Variants in LPIN2 observed in about 807,000 individuals in gnomAD.
LPIN2 encodes phosphatidate phosphatase LPIN2.
LPIN2 carries 55 observed loss-of-function variants against 111.4 expected under a neutral mutation model. The observed-to-expected ratio is 0.49, with a 90% CI of 0.40 to 0.62. The LOEUF (loss-of-function observed/expected upper bound fraction) is 0.62. Ranked by LOEUF, LPIN2 falls within the 20% of genes least tolerant of loss-of-function variation. The pLI, the probability that LPIN2 is intolerant of heterozygous loss-of-function variation, is 0.00. For missense variants in LPIN2, 992 were observed against 1,112.1 expected, an observed-to-expected ratio of 0.89 and a Z score of 1.54; for synonymous variants, 425 against 414.0, an observed-to-expected ratio of 1.03 and a Z score of -0.32.
At position 2,991,927 on chromosome 18, in the gene LPIN2, G is replaced by A. The variant is rs578205339; in HGVS notation, c.-10+21160C>T. 4.6e-5 allele frequency among the ~76,000 whole-genome samples: 7 copies of A among 151,392 alleles called. No individual in the cohort carries two copies. In the South Asian group the frequency reaches 6.2e-4, roughly 13 times the overall value. On this transcript the variant is annotated intron_variant, in intron 1 of 19. Transcript: ENST00000677752. ...TGGGAGGCTGAGGTAGAGAACTGCC[G>A]AACACAGGAGGCAGAGGTTGCAGTG...
At chr18:3,006,094 G>C (rs1350954628) in intron 1 of LPIN2, among the ~76,000 whole-genome samples, 1 of 152,136 alleles carries the variant, frequency 6.6e-6, no homozygotes, top group Non-Finnish European at 1.5e-5. Context: ...TCTGTACTTT[G>C]TACAGTGGTT....
intron 2 of LPIN2, 163 bp downstream of exon 2, chr18:2,960,486 C>T (rs1008182850): frequency 5.7e-6 from 4 of 697,860 alleles, no homozygotes; most frequent in East Asian, 2.7e-5. Context: ...GTTGACTTCT[C>T]GTAACATTGT....
chr18:3,008,560 T>C (rs1039431578), intron 1 of LPIN2, among the ~76,000 whole-genome samples: 5 of 152,246 alleles, frequency 3.3e-5, no homozygotes, highest in African/African-American at 1.2e-4. Flanking sequence ...GTACCATATA[T>C]TTTTTGCGGA....
In LPIN2 at chr18:2,921,325, G is replaced by A. The variant is rs142487632; in HGVS notation, c.2442+208C>T. ...CAGAAACGATGGAAAAGCGTCCTTC[G>A]TATAAATTCTGGGGCAGATCTGCAC... On this transcript the variant is annotated intron_variant, in intron 18 of 19. Transcript: ENST00000677752. 222 of 615,662 alleles carry A rather than the reference G, an allele frequency of 3.6e-4. No homozygotes were observed. The East Asian group carries it at 5.4e-3, about 15-fold the overall frequency. The allele number at this position is 615,662 out of a possible 1,614,324, so 38.1% of individuals were successfully genotyped here. A position where few individuals can be genotyped will look rare whatever the true frequency, so the allele number is the denominator to read the frequency against.
intron 1 of LPIN2, among the ~76,000 whole-genome samples, chr18:2,963,924 A>C (rs1334177646): frequency 6.6e-6 from 1 of 151,958 alleles, no homozygotes; most frequent in Non-Finnish European, 1.5e-5. Flanking sequence ...GTAACATCCC[A>C]AATTCTTAAA....
At chr18:2,962,395 GT>G (rs1338656748) in intron 1 of LPIN2, among the ~76,000 whole-genome samples, 2 of 152,192 alleles carry the variant, frequency 1.3e-5, no homozygotes, top group African/African-American at 4.8e-5. Flanking sequence ...TTATAATCTG[GT>G]GATGGTTTTG....
chr18:2,946,525 C>T (rs763858737), intron 4 of LPIN2: 98 of 1,558,598 alleles, frequency 6.3e-5, no homozygotes, highest in Non-Finnish European at 8.1e-5. Context: ...GGTTGTAGCA[C>T]AGCAAGGCCA....
At chr18:2,957,142 G>C (rs573915686) in intron 2 of LPIN2, among the ~76,000 whole-genome samples, 2 of 152,332 alleles carry the variant, frequency 1.3e-5, no homozygotes, top group African/African-American at 4.8e-5. Flanking sequence ...ATGCTGAAAT[G>C]AAACTGGTAT....
rs2078161952 is a variant in LPIN2, at chr18:2,984,669, A to ATT, written c.-9-23821_-9-23820insAA. Among the ~76,000 whole-genome samples, 3 of 152,128 alleles carry ATT rather than the reference A, an allele frequency of 2.0e-5. No homozygotes were observed. The East Asian group carries it at 5.8e-4, about 29-fold the overall frequency. On this transcript the variant is annotated intron_variant, in intron 1 of 19. Transcript: ENST00000677752. ...CAACTGGATAGCAGGAGAAGGGGAA[A>ATT]ACTGTAAGGAGGGTGGAAAGAAGAA...
At chr18:2,927,429 A>C (rs762265631) in intron 12 of LPIN2, among the ~76,000 whole-genome samples, 2 of 152,208 alleles carry the variant, frequency 1.3e-5, no homozygotes, top group Admixed American at 6.5e-5. Flanking sequence ...CAGGCTCTGG[A>C]GTCAGACTCA....
chr18:2,976,634 G>A (rs977799081), intron 1 of LPIN2, among the ~76,000 whole-genome samples: 1 of 152,152 alleles, frequency 6.6e-6, no homozygotes, highest in Non-Finnish European at 1.5e-5. Flanking sequence ...CCTGAGGTGT[G>A]CTCAATTTCT....
At chr18:2,986,400 G>T (rs943667779) in intron 1 of LPIN2, among the ~76,000 whole-genome samples, 2 of 152,062 alleles carry the variant, frequency 1.3e-5, no homozygotes, top group Non-Finnish European at 2.9e-5. Flanking sequence ...TCCAGGAACA[G>T]AAGAGAAAAA....
Position 2,926,637 on chromosome 18 carries a change from A to G in LPIN2, c.1793+86T>C, listed in dbSNP as rs572262305. 65 of 1,197,168 alleles carry G rather than the reference A, an allele frequency of 5.4e-5. No individual in the cohort carries two copies. The African/African-American group carries it at 9.0e-4, about 17-fold the overall frequency. The allele number at this position is 1,197,168 out of a possible 1,614,324, so 74.2% of individuals were successfully genotyped here. A position where few individuals can be genotyped will look rare whatever the true frequency, so the allele number is the denominator to read the frequency against. ...TCTGCAGAAGATACTCCCAAGAACT[A>G]AACAAGCTGCCAAAATCAACTTAGA... On this transcript the variant is annotated intron_variant, in intron 13 of 19. Transcript: ENST00000677752.
At chr18:2,930,490 G>A (rs2077198257) in intron 9 of LPIN2, among the ~76,000 whole-genome samples, 1 of 152,226 alleles carries the variant, frequency 6.6e-6, no homozygotes, top group African/African-American at 2.4e-5. Flanking sequence ...CTGAGCCTCT[G>A]GCCATGCAGT....
intron 1 of LPIN2, among the ~76,000 whole-genome samples, chr18:2,988,012 C>CAAAAAAAAAAA (rs761121515): frequency 0.02 from 660 of 32,334 alleles, 47 homozygotes; most frequent in Non-Finnish European, 0.033. Flanking sequence ...GAGACTGTCT[C>CAAAAAAAAAAA]AAAAAAAAAA....
At chr18:2,940,373 C>T (rs992145749) in intron 5 of LPIN2, among the ~76,000 whole-genome samples, 2 of 152,026 alleles carry the variant, frequency 1.3e-5, no homozygotes, top group African/African-American at 4.8e-5. Context: ...GGCTAAATTC[C>T]ATGCTGATTA....
intron 4 of LPIN2, among the ~76,000 whole-genome samples, chr18:2,943,184 T>C (rs1274153750): frequency 7.0e-6 from 1 of 143,684 alleles, no homozygotes; most frequent in East Asian, 2.0e-4. Flanking sequence ...TGTATGTAAA[T>C]TATACCTCAG....
intron 1 of LPIN2, among the ~76,000 whole-genome samples, chr18:2,981,332 G>T (rs570528368): frequency 3.9e-5 from 6 of 152,244 alleles, no homozygotes; most frequent in African/African-American, 1.4e-4. Flanking sequence ...TATCCCAAAC[G>T]TTAGCATTAA....
intron 2 of LPIN2, among the ~76,000 whole-genome samples, chr18:2,955,119 T>TG (rs2077589160): frequency 1.3e-5 from 2 of 152,100 alleles, no homozygotes; most frequent in Non-Finnish European, 2.9e-5. Flanking sequence ...AAGAACCAGG[T>TG]GAAACGATGG....
Sources: gnomAD v4.1 joint callset for allele counts (sites outside exome capture counted in the v4.1 genomes callset) on GRCh38, gnomAD v4.1.1 for gene constraint, MANE v1.5 for transcripts, NCBI Gene and HGNC (gene_info 2026-07-23, HGNC 2026-07-21) for gene names.